The following GPD2 variants were observed in gnomAD, a reference collection of about 807,000 sequenced individuals.
GPD2 encodes glycerol-3-phosphate dehydrogenase 2, also known as glycerol-3-phosphate dehydrogenase, mitochondrial.
A neutral mutation model predicts 82.4 loss-of-function variants in GPD2; 54 were observed. The observed-to-expected ratio is 0.66, with a 90% CI of 0.53 to 0.82. The LOEUF (loss-of-function observed/expected upper bound fraction) is 0.82, where lower values mean the gene tolerates loss of function less well. GPD2 is among the 40% of genes least tolerant of loss of function. The pLI is 0.00. For synonymous variants in GPD2, 288 were observed against 306.1 expected (o/e 0.94, Z 0.62); for missense variants, 748 against 896.2 (o/e 0.83, Z 2.11).
the GPD2 span, among the ~76,000 whole-genome samples, chr2:156,414,186 A>G: frequency 2.6e-5 from 4 of 152,248 alleles, no homozygotes; most frequent in African/African-American, 4.8e-5. Flanking sequence ...AAATTGGAAT[A>G]TAAATAAAGA....
rs371555200 is a variant in GPD2 at position 156,496,057 on chromosome 2, A to G, written c.116A>G (p.Tyr39Cys). 2.5e-6 allele frequency: 4 copies of G among 1,612,530 alleles called. No homozygotes were observed. Among genetic ancestry groups the G allele is most frequent in the Non-Finnish European group, 3.4e-6 (4 of 1,178,898 alleles). The change falls in exon 3 of 17, where the codon TAT (tyrosine) becomes TGT (cysteine). Residue 39 changes from tyrosine to cysteine, a missense_variant. Around this residue, in one of 3 missense-constraint regions of GPD2, gnomAD observed 692 missense variants for 809.7 expected, o/e 0.85. Transcript: ENST00000438166. ...HYRRKQMNLA[Y>C]VKAADCISEP... ...CTTTTACATCAGATGAACCTGGCCTATGTTAAAGCAGCAGACTGCATTTCA... is the reference window on the plus strand; with the variant it reads ...CTTTTACATCAGATGAACCTGGCCTGTGTTAAAGCAGCAGACTGCATTTCA...
intron 13 of GPD2, among the ~76,000 whole-genome samples, chr2:156,571,649 T>G (rs1687644310): frequency 6.6e-6 from 1 of 152,080 alleles, no homozygotes; most frequent in Admixed American, 6.6e-5. Context: ...AGAAATGTGG[T>G]TTTTCTGCCT....
Position 156,558,341 on chromosome 2 carries a change from AC to A in GPD2, c.1165+761del, listed in dbSNP as rs147325046. ...ATGCCTATCTATGCTTATTCTGAAT[AC>A]CAGGCAGGTCCATCAGCCACTTCAT... On this transcript the variant is annotated intron_variant, in intron 9 of 16. Coordinates refer to ENST00000438166, the MANE Select transcript of GPD2 (RefSeq NM_000408.5). Among the ~76,000 whole-genome samples the A allele has an allele frequency of 9.8e-3, 1,491 of 152,216 alleles. 7 individuals are homozygous for A. Among genetic ancestry groups the A allele is most frequent in the Non-Finnish European group, 0.012 (808 of 68,006 alleles).
Position 156,439,540 on chromosome 2 carries a change from CA to C in GPD2, c.-9+3040del, listed in dbSNP as rs869250333. 6.3e-3 allele frequency among the ~76,000 whole-genome samples: 452 copies of C among 71,328 alleles called. 10 individuals carry two copies. The highest frequency in any genetic ancestry group is 0.02 in the African/African-American group (396 of 19,674). 46.8% of individuals were successfully genotyped at this position (71,328 alleles called of 152,430 possible). On this transcript the variant is annotated intron_variant, in intron 1 of 16. Coordinates refer to ENST00000438166, the MANE Select transcript of GPD2 (RefSeq NM_000408.5). ...AAAAAAAAAAAAAAAAAAAAAAAAACAAAAAAAAAAAAACAAGCCAGGCAGG... is the reference window on the plus strand; with the variant it reads ...AAAAAAAAAAAAAAAAAAAAAAAAACAAAAAAAAAAAACAAGCCAGGCAGG...
At chr2:156,472,588 C>G (rs1054551086) in intron 1 of GPD2, among the ~76,000 whole-genome samples, 1 of 152,162 alleles carries the variant, frequency 6.6e-6, no homozygotes, top group African/African-American at 2.4e-5. Flanking sequence ...TCCCAAAGTG[C>G]TGGGATTACA....
intron 1 of GPD2, among the ~76,000 whole-genome samples, chr2:156,447,710 G>A (rs1682416686): frequency 6.6e-6 from 1 of 152,130 alleles, no homozygotes; most frequent in Non-Finnish European, 1.5e-5. Flanking sequence ...CCATGATTCT[G>A]CTCATTCTCT....
chr2:156,509,081 C>T (rs297595), intron 3 of GPD2, among the ~76,000 whole-genome samples: 32,159 of 152,082 alleles, frequency 0.21, 4,109 homozygotes, highest in Middle Eastern at 0.31. Context: ...CTACTAAATT[C>T]GCTAGGCATT....
At chr2:156,526,261 T>C (rs1685602572) in intron 6 of GPD2, among the ~76,000 whole-genome samples, 1 of 152,198 alleles carries the variant, frequency 6.6e-6, no homozygotes, top group African/African-American at 2.4e-5. Context: ...AATAAAATCT[T>C]ATTTCCTTTC....
At chr2:156,447,878 A>G (rs1188437763) in intron 1 of GPD2, among the ~76,000 whole-genome samples, 1 of 152,126 alleles carries the variant, frequency 6.6e-6, no homozygotes, top group African/African-American at 2.4e-5. Context: ...CAACAAGTTC[A>G]TCAATATCCC....
At chr2:156,430,996 A>T (rs1454920222), upstream of GPD2, among the ~76,000 whole-genome samples, 1 of 152,262 alleles carries the variant, frequency 6.6e-6, no homozygotes, top group Non-Finnish European at 1.5e-5. Context: ...TCGTCTGACA[A>T]CACAACAAAA....
At chr2:156,511,741 G>A (rs297598) in intron 4 of GPD2, among the ~76,000 whole-genome samples, 106,324 of 152,040 alleles carry the variant, frequency 0.7, 37,321 homozygotes, top group Middle Eastern at 0.82. Context: ...TTAGAGAGGC[G>A]TAATGAGGAC....
intron 2 of GPD2, among the ~76,000 whole-genome samples, chr2:156,491,945 G>T (rs556301334): frequency 1.4e-4 from 21 of 151,162 alleles, no homozygotes; most frequent in African/African-American, 2.9e-4. Flanking sequence ...GCTTGAACCC[G>T]GGTGACAGAG....
At chr2:156,401,109 T>C in the GPD2 span, among the ~76,000 whole-genome samples, 1 of 152,210 alleles carries the variant, frequency 6.6e-6, no homozygotes, top group Non-Finnish European at 1.5e-5. Context: ...GAGGCTCCTG[T>C]GTATGATACC....
intron 1 of GPD2, among the ~76,000 whole-genome samples, chr2:156,458,833 A>G (rs141745270): frequency 1.7e-3 from 262 of 152,266 alleles, no homozygotes; most frequent in Middle Eastern, 0.01. Flanking sequence ...TAATTACAAG[A>G]ATAATTCATG....
intron 6 of GPD2, among the ~76,000 whole-genome samples, chr2:156,523,733 G>A (rs952937074): frequency 6.6e-6 from 1 of 150,394 alleles, no homozygotes; most frequent in Non-Finnish European, 1.5e-5. Flanking sequence ...TTATGGAGAT[G>A]GGGTCTTGCT....
the GPD2 span, among the ~76,000 whole-genome samples, chr2:156,416,528 T>C: frequency 1.3e-4 from 20 of 148,666 alleles, no homozygotes; most frequent in African/African-American, 4.4e-4. Context: ...TTTTTTTTTT[T>C]TTTTCTTTTT....
chr2:156,445,165 G>T (rs1320426441), intron 1 of GPD2, among the ~76,000 whole-genome samples: 2 of 152,146 alleles, frequency 1.3e-5, no homozygotes, highest in Non-Finnish European at 2.9e-5. Flanking sequence ...CATTTTCTAG[G>T]CACTGTGCTG....
upstream of GPD2, among the ~76,000 whole-genome samples, chr2:156,431,885 C>CTTTTT (rs34394250): frequency 2.5e-5 from 3 of 119,934 alleles, no homozygotes; most frequent in South Asian, 2.5e-4. Context: ...TCTGTGAAAT[C>CTTTTT]TTTTTTTTTT....
chr2:156,469,619 G>C (rs1683260518), intron 1 of GPD2, among the ~76,000 whole-genome samples: 1 of 152,192 alleles, frequency 6.6e-6, no homozygotes, highest in South Asian at 2.1e-4. Context: ...AATATGGGAT[G>C]CCTTTATGTC....
Sources: allele counts gnomAD v4.1 joint callset (sites outside exome capture counted in the v4.1 genomes callset), GRCh38; gene constraint gnomAD v4.1.1; regional missense constraint gnomAD v4.1.1; transcripts MANE v1.5; gene names NCBI Gene and HGNC (gene_info 2026-07-23, HGNC 2026-07-21).